The following ADAMTSL1 variants were observed in gnomAD, a reference collection of about 807,000 sequenced individuals.
The protein encoded by ADAMTSL1 is ADAMTS-like protein 1.
A neutral mutation model predicts 201.8 loss-of-function variants in ADAMTSL1; 126 were observed. The ratio of observed to expected loss-of-function variants is 0.62; its 90% confidence interval spans 0.54 to 0.72. The LOEUF is 0.72. ADAMTSL1 is among the 30% of genes least tolerant of loss of function. ADAMTSL1 has a pLI of 0.00. For synonymous variants in ADAMTSL1, 1,121 were observed against 903.4 expected (o/e 1.24, Z -4.32); for missense variants, 2,679 against 2,277.8 (o/e 1.18, Z -3.59).
At chr9:18,886,580 G>T (rs1828916042) in intron 23 of ADAMTSL1, among the ~76,000 whole-genome samples, 1 of 152,174 alleles carries the variant, frequency 6.6e-6, no homozygotes, top group African/African-American at 2.4e-5. Context: ...GATCAGTGCA[G>T]CCGCAGATTT....
At chr9:18,841,991 C>T (rs547110034) in intron 23 of ADAMTSL1, among the ~76,000 whole-genome samples, 1 of 151,712 alleles carries the variant, frequency 6.6e-6, no homozygotes, top group African/African-American at 2.4e-5. Context: ...AAAACCAGCT[C>T]CTGGATTCAT....
At chr9:18,027,148 C>G (rs929216508) in intron 1 of ADAMTSL1, among the ~76,000 whole-genome samples, 1 of 149,712 alleles carries the variant, frequency 6.7e-6, no homozygotes, top group South Asian at 2.1e-4. Context: ...ACTTGTTGAT[C>G]CTTTCATAGA....
intron 1 of ADAMTSL1, among the ~76,000 whole-genome samples, chr9:17,957,212 A>C (rs1193220362): frequency 6.6e-6 from 1 of 152,196 alleles, no homozygotes; most frequent in African/African-American, 2.4e-5. Flanking sequence ...TCACAAACCC[A>C]CGTACCCTCA....
At chr9:18,548,783 G>A (rs2132206870) in intron 3 of ADAMTSL1, among the ~76,000 whole-genome samples, 1 of 152,006 alleles carries the variant, frequency 6.6e-6, no homozygotes, top group Admixed American at 6.6e-5. Context: ...AGGGAGTAAA[G>A]ACAGAAATAA....
intron 2 of ADAMTSL1, among the ~76,000 whole-genome samples, chr9:18,527,219 C>G (rs1160143682): frequency 6.6e-6 from 1 of 152,170 alleles, no homozygotes; most frequent in Non-Finnish European, 1.5e-5. Flanking sequence ...TAGTGATATT[C>G]AGGGAAATAC....
At chr9:18,780,323 C>T (rs1194295096) in intron 19 of ADAMTSL1, among the ~76,000 whole-genome samples, 7 of 152,082 alleles carry the variant, frequency 4.6e-5, no homozygotes, top group South Asian at 2.1e-4. Flanking sequence ...CCCTCATTTA[C>T]GGAAGGCCAC....
chr9:18,792,915 G>T (rs148952380), intron 19 of ADAMTSL1, among the ~76,000 whole-genome samples: 1 of 152,264 alleles, frequency 6.6e-6, no homozygotes, highest in South Asian at 2.1e-4. Flanking sequence ...GTTTGACTTT[G>T]AGAAAAAAGC....
At chr9:18,829,815 G>A (rs1303794353) in intron 22 of ADAMTSL1, 28 bp from the exon 23 acceptor site, 3 of 1,613,268 alleles carry the variant, frequency 1.9e-6, no homozygotes, top group East Asian at 2.2e-5. Flanking sequence ...GCTTTAACCT[G>A]CCTGATCCAC....
chr9:18,200,128 G>C (rs1829376270), intron 2 of ADAMTSL1, among the ~76,000 whole-genome samples: 2 of 151,910 alleles, frequency 1.3e-5, no homozygotes, highest in South Asian at 4.2e-4. Flanking sequence ...AATATACCAA[G>C]TGAATACTTA....
At chr9:18,090,346 C>G (rs1823954725) in intron 1 of ADAMTSL1, among the ~76,000 whole-genome samples, 1 of 152,162 alleles carries the variant, frequency 6.6e-6, no homozygotes, top group Non-Finnish European at 1.5e-5. Context: ...AGGAAAGCAA[C>G]TCATGTCCAC....
At chr9:18,726,116 C>T (rs898435497) in intron 15 of ADAMTSL1, among the ~76,000 whole-genome samples, 1 of 152,184 alleles carries the variant, frequency 6.6e-6, no homozygotes, top group Non-Finnish European at 1.5e-5. Context: ...TTTTCATTTT[C>T]AAACTAGTAC....
intron 2 of ADAMTSL1, among the ~76,000 whole-genome samples, chr9:18,335,924 A>C (rs549915138): frequency 5.0e-4 from 76 of 152,274 alleles, no homozygotes; most frequent in African/African-American, 1.7e-3. Flanking sequence ...TCCTGCCCTT[A>C]ATATCTATAG....
chr9:18,189,928 CTGTGTGCTGCA>C (rs1828901787), intron 2 of ADAMTSL1, among the ~76,000 whole-genome samples: 1 of 152,296 alleles, frequency 6.6e-6, no homozygotes, highest in African/African-American at 2.4e-5. Flanking sequence ...GCATATTAGT[CTGTGTGCTGCA>C]TTTTAAAAGA....
rs759069724 is a variant in ADAMTSL1 at position 18,777,690 on chromosome 9, G to C, written c.3461G>C (p.Gly1154Ala). ...CGGACCTCCTCCACCGGGGACGCCG[G>C]GGGAGGCTCTCGAAGGCCACACCGC... is the stretch of plus-strand genomic sequence containing the variant. ...SLRTSSTGDA[G>A]GGSRRPHRKP... Residue 1154 changes from glycine (G) to alanine (A), a missense_variant, in exon 19 of 29, where the codon GGG becomes GCG. Transcript: ENST00000380548. The C allele has an allele frequency of 1.2e-6, 2 of 1,613,472 alleles. No homozygotes were observed. Among genetic ancestry groups the C allele is most frequent in the South Asian group, 2.2e-5 (2 of 91,044 alleles).
intron 2 of ADAMTSL1, among the ~76,000 whole-genome samples, chr9:18,166,603 G>A (rs1206349322): frequency 6.6e-6 from 1 of 151,894 alleles, no homozygotes; most frequent in East Asian, 1.9e-4. Flanking sequence ...GATAGTTGTG[G>A]AAGTAACAAA....
chr9:18,688,120 A>ATG (rs1229677959), intron 13 of ADAMTSL1, among the ~76,000 whole-genome samples: 12 of 108,266 alleles, frequency 1.1e-4, no homozygotes, highest in Middle Eastern at 4.3e-3. Context: ...GTATGTATGT[A>ATG]TATATATATA....
At chr9:18,319,631 G>GA (rs1172602294) in intron 2 of ADAMTSL1, among the ~76,000 whole-genome samples, 3 of 152,138 alleles carry the variant, frequency 2.0e-5, no homozygotes, top group Non-Finnish European at 4.4e-5. Context: ...CCCCATCCAG[G>GA]AGGGGGTCTG....
chr9:18,672,076 G>A (rs1052799767), intron 9 of ADAMTSL1, among the ~76,000 whole-genome samples: 8 of 151,900 alleles, frequency 5.3e-5, no homozygotes, highest in East Asian at 1.9e-4. Flanking sequence ...ACAGAACCCC[G>A]GTAAATTAGG....
At chr9:18,115,018 G>T (rs768991977) in intron 1 of ADAMTSL1, among the ~76,000 whole-genome samples, 20 of 152,152 alleles carry the variant, frequency 1.3e-4, no homozygotes, top group Non-Finnish European at 2.2e-4. Flanking sequence ...AATCGATTCA[G>T]GGTGTTTGCC....
Sources: gnomAD v4.1 joint callset for allele counts (sites outside exome capture counted in the v4.1 genomes callset) on GRCh38, gnomAD v4.1.1 for gene constraint, MANE v1.5 for transcripts, NCBI Gene and HGNC (gene_info 2026-07-23, HGNC 2026-07-21) for gene names.